The following IFT140 variants were observed in gnomAD, a reference collection of about 807,000 sequenced individuals.
IFT140 encodes the protein intraflagellar transport protein 140 homolog.
In IFT140, 133 loss-of-function variants were observed where a neutral mutation model predicts 164.6. The ratio of observed to expected loss-of-function variants is 0.81; its 90% confidence interval spans 0.70 to 0.93. The LOEUF (loss-of-function observed/expected upper bound fraction) is 0.93. Among genes scored for constraint, IFT140 ranks in the 40% least tolerant of loss-of-function variants. The pLI is 0.00. For missense variants in IFT140, 2,045 were observed against 1,972.3 expected (o/e 1.04, Z -0.70); for synonymous variants, 860 against 817.3 (o/e 1.05, Z -0.89).
At chr16:1,602,047 C>T (rs1472433513) in intron 4 of IFT140, among the ~76,000 whole-genome samples, 2 of 152,208 alleles carry the variant, frequency 1.3e-5, no homozygotes, top group African/African-American at 2.4e-5. Flanking sequence ...TGCCCCATGT[C>T]CCCTGGGGGG....
At chr16:1,608,655 A>T (rs541837731) in intron 2 of IFT140, among the ~76,000 whole-genome samples, 2 of 151,192 alleles carry the variant, frequency 1.3e-5, no homozygotes, top group Non-Finnish European at 2.9e-5. Flanking sequence ...AAAAAAAGAA[A>T]CCCGAACAAC....
intron 26 of IFT140, among the ~76,000 whole-genome samples, chr16:1,521,510 T>A (rs1237992712): frequency 4.6e-5 from 7 of 152,122 alleles, no homozygotes; most frequent in Admixed American, 4.6e-4. Context: ...TGCCTCAGCC[T>A]ACCAAGTAGC....
chr16:1,569,488 TCCTC>T (rs1485990350), intron 14 of IFT140, among the ~76,000 whole-genome samples: 1 of 127,462 alleles, frequency 7.8e-6, no homozygotes, highest in African/African-American at 2.9e-5. Context: ...CTTCTTTCCC[TCCTC>T]CCTCCCTCCC....
intron 21 of IFT140, 62 bp from the exon 22 acceptor site, chr16:1,525,388 G>A: frequency 7.8e-7 from 1 of 1,290,014 alleles, no homozygotes; most frequent in African/African-American, 1.4e-5. Context: ...GGAACCGGGT[G>A]GGCTGAGGGG....
chr16:1,595,239 G>T (rs1282557607), intron 4 of IFT140, among the ~76,000 whole-genome samples: 1 of 151,852 alleles, frequency 6.6e-6, no homozygotes, highest in African/African-American at 2.4e-5. Context: ...GAGCCGAGAT[G>T]GCGCCACTGC....
chr16:1,595,880 C>T (rs1479653444), intron 4 of IFT140, among the ~76,000 whole-genome samples: 2 of 152,098 alleles, frequency 1.3e-5, no homozygotes, highest in South Asian at 2.1e-4. Flanking sequence ...TGGCGAAATC[C>T]TGTCTCTACT....
intron 17 of IFT140, among the ~76,000 whole-genome samples, chr16:1,563,218 G>A (rs900183790): frequency 3.3e-5 from 5 of 152,006 alleles, no homozygotes; most frequent in East Asian, 2.0e-4. Context: ...CCACCTGGAC[G>A]TGTCCTCCCG....
chr16:1,534,168 A>G, intron 19 of IFT140: 2 of 1,421,688 alleles, frequency 1.4e-6, no homozygotes, highest in Non-Finnish European at 1.9e-6. Context: ...CCCGAGGATG[A>G]GTGGTGATGT....
At chr16:1,513,760 G>T (rs932560499) in intron 30 of IFT140, among the ~76,000 whole-genome samples, 1 of 149,058 alleles carries the variant, frequency 6.7e-6, no homozygotes. Context: ...TGCAAGCTCC[G>T]CCTCCCGGGT....
rs981164418 is a variant in IFT140 at position 1,534,686 on chromosome 16, G to T, written c.2400-7890C>A. 3 of 1,345,162 alleles carry T rather than the reference G, an allele frequency of 2.2e-6. No individual in the cohort carries two copies. In the African/African-American group the frequency reaches 4.4e-5, roughly 20 times the overall value. The allele number at this position is 1,345,162 out of a possible 1,614,324, so 83.3% of individuals were successfully genotyped here. A position where few individuals can be genotyped will look rare whatever the true frequency, so the allele number is the denominator to read the frequency against. ...GCTCTGCCCTGAGCGTGGCCTCTGG[G>T]CAGGCAGGAGGGGGCACTGTGTCTC... On this transcript the variant is annotated intron_variant, in intron 19 of 30. Coordinates refer to ENST00000426508, the MANE Select transcript of IFT140 (RefSeq NM_014714.4).
intron 13 of IFT140, among the ~76,000 whole-genome samples, chr16:1,571,901 C>T (rs761475663): frequency 1.3e-4 from 20 of 152,260 alleles, no homozygotes; most frequent in Admixed American, 3.9e-4. Context: ...GTGCCAGGCA[C>T]GGAGAGAGGG....
At position 1,562,029 on chromosome 16, in the gene IFT140, T is replaced by C. The variant is rs780451681; in HGVS notation, c.2155A>G (p.Ser719Gly). 2 of 1,611,814 alleles carry C rather than the reference T, an allele frequency of 1.2e-6. No individual in the cohort carries two copies. The highest frequency in any genetic ancestry group is 1.7e-5 in the Admixed American group (1 of 59,708). ...TAAGGCACTTCCATCCCCAGGAGAC[T>C]GTGGGAGGTGGCAGGCCGGGGGAAG... ...ESFPRPATSH[S>G]LLGMEVPYYY... Residue 719 changes from serine to glycine, a missense_variant, in exon 18 of 31, where the codon AGT becomes GGT. Physicochemically the swap from Ser to Gly is moderately conservative, Grantham distance 56. Transcript: ENST00000426508.
In IFT140 at chr16:1,607,511, C is replaced by G. The variant is rs184756787; in HGVS notation, c.-31-214G>C. Among the ~76,000 whole-genome samples the G allele has an allele frequency of 2.6e-5, 4 of 152,282 alleles. No homozygotes were observed. In the East Asian group the frequency reaches 5.8e-4, roughly 22 times the overall value. On this transcript the variant is annotated intron_variant, in intron 2 of 30. Coordinates refer to ENST00000426508, the MANE Select transcript of IFT140 (RefSeq NM_014714.4). ...GAGAAGCAGTTAGACCCGGAATCACCCAGGCTGTGACAGAAACGAATACAA... is the reference window on the plus strand; with the variant it reads ...GAGAAGCAGTTAGACCCGGAATCACGCAGGCTGTGACAGAAACGAATACAA...
chr16:1,579,344 C>A (rs1476433384), intron 13 of IFT140: 1 of 152,016 alleles, frequency 6.6e-6, no homozygotes, highest in Admixed American at 6.6e-5. Flanking sequence ...TAAGTGGCCC[C>A]TGCAGTTCAG....
At chr16:1,598,894 G>A (rs1012561725) in intron 4 of IFT140, among the ~76,000 whole-genome samples, 1 of 149,932 alleles carries the variant, frequency 6.7e-6, no homozygotes, top group African/African-American at 2.5e-5. Context: ...GATGTGAGGA[G>A]CCCCTCTGCC....
intron 13 of IFT140, among the ~76,000 whole-genome samples, chr16:1,574,712 C>A (rs1381429877): frequency 6.6e-6 from 1 of 152,302 alleles, no homozygotes; most frequent in East Asian, 1.9e-4. Context: ...CCACCTCCCA[C>A]CACCAACTGG....
Position 1,553,290 on chromosome 16 carries a change from G to C in IFT140, c.2399+4645C>G, listed in dbSNP as rs907303983. 5 of 980,932 alleles carry C rather than the reference G, an allele frequency of 5.1e-6. No homozygotes were observed. In the African/African-American group the frequency reaches 7.0e-5, roughly 14 times the overall value. 60.8% of individuals were successfully genotyped at this position (980,932 alleles called of 1,614,324 possible). A position where few individuals can be genotyped will look rare whatever the true frequency, so the allele number is the denominator to read the frequency against. ...TTGGTCTCTGTCTCTCTGTGTCTCT[G>C]CCTGTCTCTCTGTGTCTCTGTCTCT... is the stretch of plus-strand genomic sequence containing the variant. On this transcript the variant is annotated intron_variant, in intron 19 of 30. Transcript: ENST00000426508. This position sits in a 1 kb window ranked among gnomAD's most constrained non-coding sequence, Gnocchi z 4.4.
At chr16:1,589,291 T>G (rs1335746405) in intron 7 of IFT140, among the ~76,000 whole-genome samples, 2 of 152,128 alleles carry the variant, frequency 1.3e-5, no homozygotes, top group African/African-American at 4.8e-5. Context: ...TGAGAGGCTG[T>G]GCAGCGAGTG....
At chr16:1,549,077 C>T (rs941868228) in intron 19 of IFT140, among the ~76,000 whole-genome samples, 3 of 152,242 alleles carry the variant, frequency 2.0e-5, no homozygotes, top group Admixed American at 6.5e-5. Flanking sequence ...GTCCCGTTTT[C>T]ACCGCATGCC....
Sources: gnomAD v4.1 joint callset for allele counts (sites outside exome capture counted in the v4.1 genomes callset) on GRCh38, gnomAD v4.1.1 for gene constraint, Gnocchi (gnomAD v3.1) non-coding constraint, MANE v1.5 for transcripts, NCBI Gene and HGNC (gene_info 2026-07-23, HGNC 2026-07-21) for gene names.